CCDC146: variants seen among roughly 807,000 people sequenced by gnomAD.
CCDC146 encodes the protein coiled-coil domain containing 146.
CCDC146 carries 92 observed loss-of-function variants against 119.3 expected under a neutral mutation model. That is an observed-to-expected ratio of 0.77 (90% CI 0.65 to 0.92). CCDC146 has a LOEUF of 0.92. Ranked by LOEUF, CCDC146 falls within the 40% of genes least tolerant of loss-of-function variation. The pLI is 0.00. For missense variants in CCDC146, 1,000 were observed against 1,103.0 expected (o/e 0.91, Z 1.32); for synonymous variants, 372 against 371.8 (o/e 1.00, Z -0.01).
chr7:77,231,202 T>C (rs905096042), intron 2 of CCDC146, among the ~76,000 whole-genome samples: 2 of 152,228 alleles, frequency 1.3e-5, no homozygotes, highest in Non-Finnish European at 2.9e-5. Context: ...GCAGGATTGC[T>C]GTGCTTGTCT....
At chr7:77,131,631 T>G (rs557731240) in intron 1 of CCDC146, among the ~76,000 whole-genome samples, 163 of 152,302 alleles carry the variant, frequency 1.1e-3, no homozygotes, top group African/African-American at 3.8e-3. Context: ...GGCAGGAGGA[T>G]CCCTTGAACC....
intron 1 of CCDC146, among the ~76,000 whole-genome samples, chr7:77,124,233 A>G (rs190637788): frequency 6.6e-6 from 1 of 152,314 alleles, no homozygotes; most frequent in East Asian, 1.9e-4. Context: ...ACCAAATAGA[A>G]TTGACTGAAA....
intron 9 of CCDC146, among the ~76,000 whole-genome samples, chr7:77,270,301 C>T (rs2150528324): frequency 6.6e-6 from 1 of 151,658 alleles, no homozygotes; most frequent in African/African-American, 2.4e-5. Context: ...GTACTTGAAG[C>T]AGCAGAGGTA....
intron 2 of CCDC146, among the ~76,000 whole-genome samples, chr7:77,192,810 C>T (rs12704823): frequency 0.11 from 17,057 of 152,050 alleles, 1,243 homozygotes; most frequent in Non-Finnish European, 0.17. Context: ...GTAGTCCCAG[C>T]TACTCAGGAG....
chr7:77,201,722 T>C (rs982352528), intron 2 of CCDC146, among the ~76,000 whole-genome samples: 3 of 152,182 alleles, frequency 2.0e-5, no homozygotes, highest in African/African-American at 4.8e-5. Flanking sequence ...CAAAAATTGT[T>C]TTTCTCTTCA....
chr7:77,262,706 G>A (rs1177750152), intron 9 of CCDC146, among the ~76,000 whole-genome samples: 2 of 152,146 alleles, frequency 1.3e-5, no homozygotes, highest in Non-Finnish European at 2.9e-5. Context: ...AAATTACATA[G>A]ACATAAATGA....
At chr7:77,294,596 G>A (rs1413161904) in intron 18 of CCDC146, 67 bp from the exon 19 acceptor site, 12 of 1,484,462 alleles carry the variant, frequency 8.1e-6, no homozygotes, top group Admixed American at 1.7e-5. Context: ...TGTCTTTTGG[G>A]ACCTAAGGAT....
chr7:77,147,665 T>A (rs1791042344), intron 1 of CCDC146, among the ~76,000 whole-genome samples: 1 of 152,258 alleles, frequency 6.6e-6, no homozygotes, highest in Non-Finnish European at 1.5e-5. Flanking sequence ...TGGAGTTTGC[T>A]GGAGGTCCAC....
chr7:77,293,277 C>T (rs942393260), intron 18 of CCDC146, 77 bp downstream of exon 18: 54 of 1,507,782 alleles, frequency 3.6e-5, no homozygotes, highest in Non-Finnish European at 1.1e-5. Context: ...AGTTATCCCA[C>T]AGTATAAGAA....
At chr7:77,165,859 G>A (rs1422564515) in intron 1 of CCDC146, among the ~76,000 whole-genome samples, 1 of 152,098 alleles carries the variant, frequency 6.6e-6, no homozygotes, top group Non-Finnish European at 1.5e-5. Flanking sequence ...GGAGTTATTA[G>A]AATTCTTCAA....
intron 1 of CCDC146, among the ~76,000 whole-genome samples, chr7:77,164,669 G>T (rs1170455640): frequency 3.3e-5 from 5 of 152,176 alleles, no homozygotes; most frequent in Non-Finnish European, 7.3e-5. Flanking sequence ...CATTTAATCT[G>T]CACATCTTTT....
intron 2 of CCDC146, among the ~76,000 whole-genome samples, chr7:77,230,116 G>A (rs1395988281): frequency 6.6e-6 from 1 of 152,092 alleles, no homozygotes; most frequent in Non-Finnish European, 1.5e-5. Flanking sequence ...TGTTACAGCA[G>A]GTATCAAGAC....
At chr7:77,180,255 T>C (rs901590827) in intron 2 of CCDC146, among the ~76,000 whole-genome samples, 5 of 145,618 alleles carry the variant, frequency 3.4e-5, no homozygotes, top group African/African-American at 1.4e-4. Flanking sequence ...ATGTACCATA[T>C]ATATGCACCA....
At chr7:77,169,590 C>A (rs1030889535) in intron 2 of CCDC146, among the ~76,000 whole-genome samples, 2 of 152,086 alleles carry the variant, frequency 1.3e-5, no homozygotes, top group African/African-American at 4.8e-5. Flanking sequence ...CTCTTCTTTC[C>A]TTATTTATTC....
rs1388708578 is a variant in CCDC146, at chr7:77,196,401, C to T, written c.156+28577C>T. 6.2e-7 allele frequency: 1 copy of T among 1,614,076 alleles called. No individual in the cohort carries two copies. Among genetic ancestry groups the T allele is most frequent in the South Asian group, 1.1e-5 (1 of 91,088 alleles). On this transcript the variant is annotated intron_variant, in intron 2 of 18. Coordinates refer to ENST00000285871, the MANE Select transcript of CCDC146 (RefSeq NM_020879.3). The surrounding 1 kb of genome is among the most constrained non-coding windows in gnomAD (Gnocchi z 4.2). ...CCCCAGAAAATCCCATTACGGACAC[C>T]TCTGTATTTTTGGTGATAATATTTG...
intron 1 of CCDC146, among the ~76,000 whole-genome samples, chr7:77,143,326 A>G (rs1790965399): frequency 6.6e-6 from 1 of 151,880 alleles, no homozygotes; most frequent in Non-Finnish European, 1.5e-5. Context: ...GCCCTTTGTC[A>G]GATGAGTAGA....
intron 1 of CCDC146, among the ~76,000 whole-genome samples, chr7:77,129,733 T>G (rs1444345222): frequency 6.6e-6 from 1 of 152,150 alleles, no homozygotes; most frequent in African/African-American, 2.4e-5. Flanking sequence ...TATAATTTTC[T>G]ACTTAGGAAT....
chr7:77,130,205 C>A (rs931927220), intron 1 of CCDC146, among the ~76,000 whole-genome samples: 1 of 152,086 alleles, frequency 6.6e-6, no homozygotes. Context: ...ACATCTCAAA[C>A]TGCAAAAGTT....
intron 1 of CCDC146, among the ~76,000 whole-genome samples, chr7:77,142,747 T>C (rs1391762509): frequency 2.6e-5 from 4 of 151,810 alleles, no homozygotes; most frequent in African/African-American, 7.3e-5. Context: ...CATGAACTCA[T>C]CCTTTTTTAT....
Sources: allele counts gnomAD v4.1 joint callset (sites outside exome capture counted in the v4.1 genomes callset), GRCh38; gene constraint gnomAD v4.1.1; non-coding constraint Gnocchi (gnomAD v3.1); transcripts MANE v1.5; gene names NCBI Gene and HGNC (gene_info 2026-07-23, HGNC 2026-07-21).